The following ZNF236 variants were observed in gnomAD, a reference collection of about 807,000 sequenced individuals.
ZNF236 encodes zinc finger protein 236.
In ZNF236, 50 loss-of-function variants were observed where a neutral mutation model predicts 191.2. The ratio of observed to expected loss-of-function variants is 0.26; its 90% CI spans 0.21 to 0.33. The LOEUF (loss-of-function observed/expected upper bound fraction) is 0.33. Ranked by LOEUF, ZNF236 falls within the 10% of genes least tolerant of loss-of-function variation. ZNF236 has a pLI of 1.00. For synonymous variants in ZNF236, 907 were observed against 928.8 expected, an observed-to-expected ratio of 0.98 and a Z score of 0.43; for missense variants, 1,754 against 2,374.5, an observed-to-expected ratio of 0.74 and a Z score of 5.43.
chr18:76,947,745 T>C, intron 27 of ZNF236, 93 bp downstream of exon 27: 1 of 1,459,464 alleles, frequency 6.9e-7, no homozygotes, highest in South Asian at 1.3e-5. Context: ...GGGCGTGCTG[T>C]GTGACCCAGG....
At chr18:76,949,894 G>A (rs982212782) in intron 27 of ZNF236, among the ~76,000 whole-genome samples, 2 of 152,066 alleles carry the variant, frequency 1.3e-5, no homozygotes, top group Non-Finnish European at 2.9e-5. Flanking sequence ...CTGAGCTCAA[G>A]TGATCGCCCA....
Position 76,880,408 on chromosome 18 carries a change from T to G in ZNF236, c.1188+92T>G. ...ATTGAGAATAAATCTGCAGGGCTTG[T>G]CAAAGTCAGGGTATCCTCATGAAAA... On this transcript the variant is annotated intron_variant, in intron 8 of 30. Transcript: ENST00000320610. The surrounding 1 kb of genome is among the most constrained non-coding windows in gnomAD (Gnocchi z 5.0). 1 of 1,335,088 alleles carries G rather than the reference T, an allele frequency of 7.5e-7. No individual in the cohort carries two copies. Among genetic ancestry groups the G allele is most frequent in the Non-Finnish European group, 1.0e-6 (1 of 995,136 alleles). 82.7% of individuals were successfully genotyped at this position (1,335,088 alleles called of 1,614,324 possible). A position where few individuals can be genotyped will look rare whatever the true frequency, so the allele number is the denominator to read the frequency against.
At chr18:76,855,311 T>C (rs1976011207) in intron 3 of ZNF236, among the ~76,000 whole-genome samples, 1 of 152,150 alleles carries the variant, frequency 6.6e-6, no homozygotes, top group South Asian at 2.1e-4. Flanking sequence ...CGGTAAGAAA[T>C]CAAACAATAG....
At chr18:76,893,488 A>C (rs1454158990) in intron 9 of ZNF236, among the ~76,000 whole-genome samples, 1 of 151,878 alleles carries the variant, frequency 6.6e-6, no homozygotes. Context: ...ATTATTTTTC[A>C]TTCTTTTTTT....
Position 76,937,327 on chromosome 18 carries a change from T to C in ZNF236, c.4766T>C (p.Leu1589Pro). Residue 1589 changes from leucine to proline, a missense_variant, in exon 26 of 31, where the codon CTC (leucine) becomes CCC (proline). Transcript: ENST00000320610. The stretch of plus-strand genomic sequence containing the variant: ...TCTGGAGGCCTGGACACTGTCACAC[T>C]CAACATCACCTCTCAGGCAAGTGCT... ...MLSGGLDTVT[L>P]NITSQGQQFP... is the part of the protein sequence containing the mutation. 6.2e-7 allele frequency: 1 copy of C among 1,611,398 alleles called. No individual in the cohort carries two copies. Among genetic ancestry groups the C allele is most frequent in the Non-Finnish European group, 8.5e-7 (1 of 1,178,200 alleles).
chr18:76,958,087 C>T (rs1301219110), intron 28 of ZNF236, among the ~76,000 whole-genome samples: 1 of 152,168 alleles, frequency 6.6e-6, no homozygotes, highest in Non-Finnish European at 1.5e-5. Flanking sequence ...TCTGCTGAGT[C>T]CCCACCAACT....
chr18:76,824,323 A>G (rs1974956431), intron 1 of ZNF236: 1 of 781,094 alleles, frequency 1.3e-6, no homozygotes. Context: ...AACGTTGGTG[A>G]CCAACAGGCG....
intron 1 of ZNF236, among the ~76,000 whole-genome samples, chr18:76,843,533 T>G (rs1268936021): frequency 9.2e-6 from 1 of 108,624 alleles, no homozygotes; most frequent in Non-Finnish European, 2.0e-5. Context: ...ATCCCAGCAC[T>G]TTGGGAGGCA....
intron 27 of ZNF236, among the ~76,000 whole-genome samples, chr18:76,951,490 C>A (rs1044327314): frequency 2.0e-5 from 3 of 152,196 alleles, no homozygotes; most frequent in Non-Finnish European, 4.4e-5. Flanking sequence ...TCCAGCTTTT[C>A]TTCTGCAGCT....
rs375890130 is a variant in ZNF236 at position 76,968,330 on chromosome 18, C to G, written c.5535C>G (p.His1845Gln). ...CCGGCGAGTGGCAGGCCCTCACCCA[C>G]GTCTTCTGATGCGAGTTGGAAGTAC... ...EAAGEWQALT[H>Q]VF is the part of the protein sequence containing the mutation. The change falls in exon 31 of 31, where the codon CAC becomes CAG. Residue 1845 changes from histidine to glutamine, a missense_variant. Transcript: ENST00000320610. 3 of 1,606,944 alleles carry G rather than the reference C, an allele frequency of 1.9e-6. No individual in the cohort carries two copies. Among genetic ancestry groups the G allele is most frequent in the Admixed American group, 1.7e-5 (1 of 57,758 alleles).
chr18:76,857,430 G>T (rs1490024096), intron 3 of ZNF236, among the ~76,000 whole-genome samples: 1 of 152,114 alleles, frequency 6.6e-6, no homozygotes. Context: ...AGTCAGCAGG[G>T]TCACCTACTT....
At chr18:76,870,243 C>T (rs1405891601) in intron 4 of ZNF236, among the ~76,000 whole-genome samples, 1 of 150,138 alleles carries the variant, frequency 6.7e-6, no homozygotes, top group African/African-American at 2.5e-5. Context: ...ATGTGGTACG[C>T]ACCTAATGCT....
chr18:76,836,922 C>T (rs1975347172), intron 1 of ZNF236, among the ~76,000 whole-genome samples: 1 of 152,200 alleles, frequency 6.6e-6, no homozygotes, highest in South Asian at 2.1e-4. Flanking sequence ...GATGCCCAGG[C>T]TGGAGTTCAG....
chr18:76,930,756 A>T (rs1488050905), intron 25 of ZNF236, among the ~76,000 whole-genome samples: 1 of 152,098 alleles, frequency 6.6e-6, no homozygotes, highest in African/African-American at 2.4e-5. Context: ...TATACCTGGC[A>T]GTGCACTATA....
intron 30 of ZNF236, among the ~76,000 whole-genome samples, chr18:76,965,670 G>A (rs1305126317): frequency 2.0e-5 from 3 of 152,308 alleles, no homozygotes; most frequent in East Asian, 1.9e-4. Context: ...TGGTCTAGCC[G>A]CCCAGCAAGT....
chr18:76,863,402 C>A (rs140941945), intron 3 of ZNF236, among the ~76,000 whole-genome samples: 1 of 151,958 alleles, frequency 6.6e-6, no homozygotes, highest in Non-Finnish European at 1.5e-5. Context: ...CATAATGAAA[C>A]GTTTGAAAAC....
chr18:76,895,608 G>T (rs1220590165), intron 10 of ZNF236, among the ~76,000 whole-genome samples: 1 of 149,008 alleles, frequency 6.7e-6, no homozygotes. Flanking sequence ...CTGCACACAG[G>T]TACTGCACAC....
At chr18:76,862,657 C>T (rs1976276273) in intron 3 of ZNF236, among the ~76,000 whole-genome samples, 1 of 152,152 alleles carries the variant, frequency 6.6e-6, no homozygotes, top group Non-Finnish European at 1.5e-5. Flanking sequence ...CCTCCCTCCC[C>T]ATCAGTGATG....
intron 26 of ZNF236, among the ~76,000 whole-genome samples, chr18:76,943,865 ATGTTT>A (rs1378310426): frequency 1.4e-4 from 21 of 152,336 alleles, no homozygotes; most frequent in Non-Finnish European, 1.9e-4. Context: ...TTGAGGCACA[ATGTTT>A]TGTTTTAAGT....
Sources: gnomAD v4.1 joint callset for allele counts (sites outside exome capture counted in the v4.1 genomes callset) on GRCh38, gnomAD v4.1.1 for gene constraint, Gnocchi (gnomAD v3.1) non-coding constraint, MANE v1.5 for transcripts, NCBI Gene and HGNC (gene_info 2026-07-23, HGNC 2026-07-21) for gene names.